LAMA2: variants seen among roughly 807,000 people sequenced by gnomAD.
LAMA2 encodes the protein laminin subunit alpha-2.
A neutral mutation model predicts 364.8 loss-of-function variants in LAMA2; 269 were observed. The observed-to-expected ratio is 0.74, with a 90% CI of 0.67 to 0.82. The LOEUF (loss-of-function observed/expected upper bound fraction) is 0.82, where lower values mean the gene tolerates loss of function less well. Among genes scored for constraint, LAMA2 ranks in the 40% least tolerant of loss-of-function variants. LAMA2 has a pLI of 0.00. For synonymous variants in LAMA2, 1,379 were observed against 1,370.6 expected (o/e 1.01, Z -0.14); for missense variants, 3,807 against 3,873.2 (o/e 0.98, Z 0.45).
At chr6:129,309,897 T>A (rs1276472919) in intron 22 of LAMA2, among the ~76,000 whole-genome samples, 1 of 145,560 alleles carries the variant, frequency 6.9e-6, no homozygotes, top group African/African-American at 2.6e-5. Flanking sequence ...CTAATCCTGA[T>A]AATCATTTTT....
At chr6:129,037,706 C>T (rs1786746256) in intron 1 of LAMA2, among the ~76,000 whole-genome samples, 1 of 150,264 alleles carries the variant, frequency 6.7e-6, no homozygotes, top group Admixed American at 6.6e-5. Flanking sequence ...CGCTCTGTCG[C>T]CCAGGCTGGA....
chr6:129,079,914 A>T (rs1025383955), intron 3 of LAMA2, among the ~76,000 whole-genome samples: 3 of 152,312 alleles, frequency 2.0e-5, no homozygotes, highest in African/African-American at 7.2e-5. Flanking sequence ...TTATCTTTAT[A>T]GCCTCTGTGA....
chr6:129,389,825 G>T (rs1779221034), intron 35 of LAMA2, among the ~76,000 whole-genome samples: 1 of 152,092 alleles, frequency 6.6e-6, no homozygotes, highest in Non-Finnish European at 1.5e-5. Flanking sequence ...CAAGGGGGGA[G>T]GTTTGCTCCC....
At chr6:129,136,623 T>G (rs991299963) in intron 4 of LAMA2, among the ~76,000 whole-genome samples, 1 of 150,718 alleles carries the variant, frequency 6.6e-6, no homozygotes, top group Non-Finnish European at 1.5e-5. Flanking sequence ...AAAAGAAAAA[T>G]AAAAATATAA....
Position 129,314,638 on chromosome 6 carries a change from C to A in LAMA2, c.3412-17C>A, listed in dbSNP as rs775857712. 2 of 1,612,722 alleles carry A rather than the reference C, an allele frequency of 1.2e-6. No individual in the cohort carries two copies. Among genetic ancestry groups the A allele is most frequent in the African/African-American group, 2.7e-5 (2 of 74,876 alleles). On this transcript the variant is annotated splice_polypyrimidine_tract_variant and intron_variant, in intron 23 of 64. Transcript: ENST00000421865. ...CTTTGCCGTTATAAACTCTGAGGGT[C>A]TCTTGTCTTTCCTCAGGTGAATGTG... is the stretch of plus-strand genomic sequence containing the variant.
intron 1 of LAMA2, among the ~76,000 whole-genome samples, chr6:128,909,834 G>C (rs962082556): frequency 2.6e-5 from 4 of 151,758 alleles, no homozygotes; most frequent in East Asian, 1.9e-4. Context: ...CAGGCCTGGT[G>C]GTGACAAAAT....
In LAMA2 at chr6:129,423,129, C is replaced by G. The variant is rs150337468; in HGVS notation, c.5866-4623C>G. ...TACAGCAAAGGCATTTGACAAAATG[C>G]GTCTATTTTTTTTTAAAAACTGCCT... On this transcript the variant is annotated intron_variant, in intron 40 of 64. Coordinates refer to ENST00000421865, the MANE Select transcript of LAMA2 (RefSeq NM_000426.4). 6.6e-5 allele frequency among the ~76,000 whole-genome samples: 10 copies of G among 151,864 alleles called. No homozygotes were observed. In the South Asian group the frequency reaches 1.0e-3, roughly 16 times the overall value.
At chr6:129,505,609 C>T (rs748430121) in intron 61 of LAMA2, among the ~76,000 whole-genome samples, 4 of 151,962 alleles carry the variant, frequency 2.6e-5, no homozygotes, top group Non-Finnish European at 4.4e-5. Flanking sequence ...CCCGGGTTCA[C>T]GCCATTCTCC....
At position 129,456,506 on chromosome 6, in the gene LAMA2, ATCC is replaced by A; in HGVS notation, c.6867+20_6867+22del. The A allele has an allele frequency of 1.2e-6, 2 of 1,609,456 alleles. No individual in the cohort carries two copies. Among genetic ancestry groups the A allele is most frequent in the Non-Finnish European group, 1.7e-6 (2 of 1,175,866 alleles). ...CTGGGAAATTAAAGGTAATGTGTTC[ATCC>A]TCCTCCTGTTTATTTCATCTTTGTT... On this transcript the variant is annotated intron_variant, in intron 48 of 64. Coordinates refer to ENST00000421865, the MANE Select transcript of LAMA2 (RefSeq NM_000426.4).
At chr6:128,929,282 C>G (rs1779295295) in intron 1 of LAMA2, 2 of 1,314,006 alleles carry the variant, frequency 1.5e-6, no homozygotes, top group East Asian at 4.6e-5. Context: ...GTCATTGATG[C>G]GGATCCCTGC....
intron 62 of LAMA2, among the ~76,000 whole-genome samples, chr6:129,510,650 C>CA (rs538291162): frequency 1.3e-5 from 2 of 151,716 alleles, no homozygotes; most frequent in African/African-American, 2.4e-5. Flanking sequence ...TGATTAAAGA[C>CA]AAAAAAAGCA....
chr6:129,067,320 A>G (rs1296885124), intron 3 of LAMA2, among the ~76,000 whole-genome samples: 1 of 152,210 alleles, frequency 6.6e-6, no homozygotes, highest in Non-Finnish European at 1.5e-5. Context: ...ATAGATTTTT[A>G]AGATCATTTG....
At chr6:128,934,686 C>A (rs1160993785) in intron 1 of LAMA2, among the ~76,000 whole-genome samples, 1 of 151,762 alleles carries the variant, frequency 6.6e-6, no homozygotes, top group Non-Finnish European at 1.5e-5. Flanking sequence ...TTTTGTATTT[C>A]TTAGTAGAGA....
intron 47 of LAMA2, among the ~76,000 whole-genome samples, chr6:129,456,130 A>G (rs544634620): frequency 6.6e-6 from 1 of 152,148 alleles, no homozygotes; most frequent in South Asian, 2.1e-4. Flanking sequence ...AACTGATGTA[A>G]GTGTTGAGCC....
Position 128,971,378 on chromosome 6 carries a change from G to A in LAMA2, c.113-78540G>A, listed in dbSNP as rs74827179. ...GTAGAGATAAGAGATGAGTACTTTC[G>A]CAGAAACAAATGAATAATTATATAC... On this transcript the variant is annotated intron_variant, in intron 1 of 64. Transcript: ENST00000421865. Among the ~76,000 whole-genome samples, 8 of 152,178 alleles carry A rather than the reference G, an allele frequency of 5.3e-5. No homozygotes were observed. The East Asian group carries it at 5.8e-4, about 11-fold the overall frequency.
intron 1 of LAMA2, among the ~76,000 whole-genome samples, chr6:129,034,901 T>A (rs181333448): frequency 1.3e-5 from 2 of 152,182 alleles, no homozygotes; most frequent in Non-Finnish European, 2.9e-5. Flanking sequence ...GCACATAGAT[T>A]GAGTCCATGA....
At chr6:129,159,011 G>T (rs950540686) in intron 8 of LAMA2, 35 of 1,584,980 alleles carry the variant, frequency 2.2e-5, no homozygotes, top group Middle Eastern at 2.2e-4. Flanking sequence ...GTCGGAGTCT[G>T]ATTTCATCCC....
chr6:129,278,149 C>G (rs1334653569), intron 17 of LAMA2, among the ~76,000 whole-genome samples: 1 of 152,126 alleles, frequency 6.6e-6, no homozygotes, highest in African/African-American at 2.4e-5. Context: ...TTTCAGTGAG[C>G]CAAGATTGCA....
chr6:129,461,871 C>T (rs1783270747), intron 49 of LAMA2, among the ~76,000 whole-genome samples: 1 of 151,864 alleles, frequency 6.6e-6, no homozygotes, highest in Admixed American at 6.6e-5. Flanking sequence ...AAAGACATCA[C>T]CAGGAAGGGA....
Sources: allele counts gnomAD v4.1 joint callset (sites outside exome capture counted in the v4.1 genomes callset), GRCh38; gene constraint gnomAD v4.1.1; transcripts MANE v1.5; gene names NCBI Gene and HGNC (gene_info 2026-07-23, HGNC 2026-07-21).